OPHN1: variants seen among roughly 807,000 people sequenced by gnomAD.
OPHN1 encodes oligophrenin-1.
OPHN1 carries 11 observed loss-of-function variants against 60.7 expected under a neutral mutation model. The observed-to-expected ratio is 0.18, with a 90% CI of 0.11 to 0.30. OPHN1 has a LOEUF of 0.30. OPHN1 is among the 10% of genes least tolerant of loss of function. OPHN1 has a pLI of 1.00. For missense variants in OPHN1, 449 were observed against 611.0 expected (o/e 0.73, Z 2.80); for synonymous variants, 226 against 222.6 (o/e 1.02, Z -0.14).
chrX:68,112,044 CACACACAT>C, intron 17 of OPHN1, 85 bp from the exon 18 acceptor site: 7 of 495,321 alleles, frequency 1.4e-5, no homozygotes, highest in Non-Finnish European at 2.5e-5. Flanking sequence ...TGCACAAACA[CACACACAT>C]GCACACATGC....
At chrX:68,085,458 C>T (rs933124380) in intron 19 of OPHN1, among the ~76,000 whole-genome samples, 6 of 112,117 alleles carry the variant, frequency 5.4e-5, no homozygotes, top group Non-Finnish European at 9.4e-5. Flanking sequence ...TTATCTCCAG[C>T]AGAACATAAG....
intron 2 of OPHN1, among the ~76,000 whole-genome samples, chrX:68,359,804 G>A (rs997900558): frequency 1.1e-3 from 107 of 101,732 alleles, no homozygotes; most frequent in African/African-American, 3.5e-3. Context: ...TGCAGTGAAC[G>A]GAGATCGTGC....
At chrX:68,366,629 C>T (rs2078500304) in intron 2 of OPHN1, among the ~76,000 whole-genome samples, 1 of 111,531 alleles carries the variant, frequency 9.0e-6, no homozygotes, top group Non-Finnish European at 1.9e-5. Flanking sequence ...GCTGGGATTA[C>T]AGGTTTGAGC....
chrX:68,171,463 C>A (rs1331079280), intron 15 of OPHN1, among the ~76,000 whole-genome samples: 1 of 111,567 alleles, frequency 9.0e-6, no homozygotes, highest in South Asian at 3.7e-4. Context: ...TGGCTGGGCC[C>A]GGTGGCTAAC....
chrX:68,095,988 T>C (rs927080138), intron 19 of OPHN1, among the ~76,000 whole-genome samples: 4 of 111,424 alleles, frequency 3.6e-5, no homozygotes, highest in Non-Finnish European at 7.5e-5. Context: ...TGAGATGGGG[T>C]TCGAATAAGT....
intron 2 of OPHN1, among the ~76,000 whole-genome samples, chrX:68,377,803 G>A: frequency 9.0e-6 from 1 of 111,714 alleles, no homozygotes; most frequent in Middle Eastern, 4.6e-3. Context: ...GTGTATATGT[G>A]CCACATTTCC....
intron 6 of OPHN1, among the ~76,000 whole-genome samples, chrX:68,215,408 A>C (rs1435042986): frequency 1.8e-5 from 2 of 111,782 alleles, no homozygotes; most frequent in Non-Finnish European, 3.8e-5. Context: ...CAGAAGAAAT[A>C]CTTCAAGCAA....
At position 68,289,693 on chromosome X, in the gene OPHN1, AAAAC is replaced by A. The variant is rs767533967; in HGVS notation, c.251-6580_251-6577del. 1.9e-3 allele frequency among the ~76,000 whole-genome samples: 215 copies of A among 112,301 alleles called. 1 individual carries two copies. Among genetic ancestry groups the A allele is most frequent in the African/African-American group, 6.5e-3 (200 of 30,932 alleles). On this transcript the variant is annotated intron_variant, in intron 3 of 24. Coordinates refer to ENST00000355520, the MANE Select transcript of OPHN1 (RefSeq NM_002547.3). ...AAAGTGAGACCCCCCATCTCTACAAAAAACAAACAAACAAACAAAAAGAACTAAT... is the reference window on the plus strand; with the variant it reads ...AAAGTGAGACCCCCCATCTCTACAAAAAACAAACAAACAAAAAGAACTAAT...
chrX:68,274,133 C>T (rs2077982063), intron 5 of OPHN1, among the ~76,000 whole-genome samples: 1 of 111,830 alleles, frequency 8.9e-6, no homozygotes, highest in South Asian at 3.8e-4. Flanking sequence ...CTGGGCCCCA[C>T]CTCCAACACT....
At chrX:68,209,532 C>A (rs1465626158) in intron 9 of OPHN1, among the ~76,000 whole-genome samples, 1 of 111,602 alleles carries the variant, frequency 9.0e-6, no homozygotes, top group African/African-American at 3.3e-5. Context: ...TGCCATTGCA[C>A]TCCAACCTGG....
Position 68,201,708 on chromosome X carries a change from C to T in OPHN1, c.936G>A (p.Gly312=), listed in dbSNP as rs976445732. The change falls in exon 11 of 25, where the codon GGG becomes GGA. Residue 312 remains glycine (G), a splice_region_variant and synonymous_variant. Transcript: ENST00000355520. ...AGTACTTCAGTGTTAAGTCCAAGGGCCCCTGATATGAAACAAGAATTAACA... is the reference window on the plus strand; with the variant it reads ...AGTACTTCAGTGTTAAGTCCAAGGGTCCCTGATATGAAACAAGAATTAACA... ...PMEQKPGAKQ[G]PLDLTLKYCV... is the part of the protein sequence containing the mutation. 8.3e-7 allele frequency: 1 copy of T among 1,199,096 alleles called. No individual in the cohort carries two copies. The highest frequency in any genetic ancestry group is 1.1e-6 in the Non-Finnish European group (1 of 884,402).
intron 6 of OPHN1, among the ~76,000 whole-genome samples, chrX:68,222,806 A>C (rs2077668480): frequency 1.3e-5 from 1 of 79,401 alleles, no homozygotes; most frequent in Non-Finnish European, 2.4e-5. Context: ...GAGGGATAGC[A>C]TCGGCAGATA....
chrX:68,244,452 C>T (rs1228589887), intron 5 of OPHN1, among the ~76,000 whole-genome samples: 1 of 112,371 alleles, frequency 8.9e-6, no homozygotes, highest in African/African-American at 3.2e-5. Flanking sequence ...GTAAGGTCTA[C>T]ATAAGCAGAG....
chrX:68,154,861 C>CCACA (rs60627495), intron 15 of OPHN1, among the ~76,000 whole-genome samples: 10,319 of 94,111 alleles, frequency 0.11, 802 homozygotes, highest in African/African-American at 0.25. Flanking sequence ...ATAGTACACA[C>CCACA]CACACACACA....
intron 19 of OPHN1, among the ~76,000 whole-genome samples, chrX:68,074,367 A>G (rs753500558): frequency 1.8e-5 from 2 of 111,848 alleles, no homozygotes; most frequent in Non-Finnish European, 3.8e-5. Flanking sequence ...ATGTAACTTA[A>G]CAGCAAGCAG....
At chrX:68,388,174 T>C (rs1328533246) in intron 2 of OPHN1, among the ~76,000 whole-genome samples, 1 of 102,770 alleles carries the variant, frequency 9.7e-6, no homozygotes, top group Non-Finnish European at 2.0e-5. Context: ...ATTTAAGAAG[T>C]TTGGGCCAGA....
At chrX:68,266,372 T>G (rs1295763884) in intron 5 of OPHN1, among the ~76,000 whole-genome samples, 1 of 111,576 alleles carries the variant, frequency 9.0e-6, no homozygotes, top group East Asian at 2.8e-4. Flanking sequence ...GGGGCCAATA[T>G]TCAACATTCT....
chrX:68,404,028 G>GTA (rs2078728306), intron 2 of OPHN1, among the ~76,000 whole-genome samples: 1 of 110,271 alleles, frequency 9.1e-6, no homozygotes, highest in Non-Finnish European at 1.9e-5. Context: ...GCGTAACTTT[G>GTA]TATATATGTA....
chrX:68,204,441 G>A (rs770344181), intron 10 of OPHN1, among the ~76,000 whole-genome samples: 1 of 112,022 alleles, frequency 8.9e-6, no homozygotes, highest in Non-Finnish European at 1.9e-5. Context: ...TGAGGAGCAT[G>A]AATATGACAG....
Sources: allele counts gnomAD v4.1 joint callset (sites outside exome capture counted in the v4.1 genomes callset), GRCh38; gene constraint gnomAD v4.1.1; transcripts MANE v1.5; gene names NCBI Gene and HGNC (gene_info 2026-07-23, HGNC 2026-07-21).